The following CACNA2D1 variants were observed in gnomAD, a reference collection of about 807,000 sequenced individuals.
CACNA2D1 encodes the protein voltage-dependent calcium channel subunit alpha-2/delta-1.
Under a neutral mutation model 171.5 loss-of-function variants are expected in CACNA2D1, and 53 were observed. The observed-to-expected ratio is 0.31, with a 90% CI of 0.25 to 0.39. CACNA2D1 has a LOEUF of 0.39. Among genes scored for constraint, CACNA2D1 ranks in the 10% least tolerant of loss-of-function variants. The pLI, the probability that CACNA2D1 is intolerant of heterozygous loss-of-function variation, is 1.00. For missense variants in CACNA2D1, 903 were observed against 1,299.8 expected (o/e 0.69, Z 4.69); for synonymous variants, 442 against 443.1 (o/e 1.00, Z 0.03).
intron 4 of CACNA2D1, among the ~76,000 whole-genome samples, chr7:82,157,297 T>C (rs1563133136): frequency 6.6e-6 from 1 of 152,256 alleles, no homozygotes; most frequent in East Asian, 1.9e-4. Flanking sequence ...AATCCCATGA[T>C]CTAAATTTCT....
At chr7:82,333,400 G>T (rs984937041) in intron 3 of CACNA2D1, among the ~76,000 whole-genome samples, 1 of 152,072 alleles carries the variant, frequency 6.6e-6, no homozygotes, top group African/African-American at 2.4e-5. Context: ...AAGGAAGGAG[G>T]TTTAATTGAC....
At chr7:81,988,933 T>C (rs1368431632) in intron 21 of CACNA2D1, among the ~76,000 whole-genome samples, 3 of 152,200 alleles carry the variant, frequency 2.0e-5, no homozygotes, top group Non-Finnish European at 2.9e-5. Context: ...ATGTTAAATT[T>C]CAATAAGGGT....
intron 18 of CACNA2D1, among the ~76,000 whole-genome samples, chr7:81,997,935 T>C (rs949816011): frequency 1.3e-5 from 2 of 151,958 alleles, no homozygotes; most frequent in South Asian, 4.1e-4. Context: ...GTTCAATGAA[T>C]ACTATTTCCT....
At chr7:82,272,401 T>G (rs1233462899) in intron 3 of CACNA2D1, among the ~76,000 whole-genome samples, 1 of 152,240 alleles carries the variant, frequency 6.6e-6, no homozygotes, top group Non-Finnish European at 1.5e-5. Flanking sequence ...TCTACAAATT[T>G]GATACATCTT....
At chr7:82,244,564 G>A (rs1165655282) in intron 3 of CACNA2D1, among the ~76,000 whole-genome samples, 2 of 151,686 alleles carry the variant, frequency 1.3e-5, no homozygotes, top group African/African-American at 4.8e-5. Flanking sequence ...AAGTGGAAGT[G>A]AAATAATATC....
chr7:82,433,366 T>C (rs964779698), intron 1 of CACNA2D1, among the ~76,000 whole-genome samples: 1 of 152,158 alleles, frequency 6.6e-6, no homozygotes, highest in Non-Finnish European at 1.5e-5. Flanking sequence ...AGAAAAACTC[T>C]AGTCCATTCC....
At chr7:82,071,552 C>T (rs988296173) in intron 7 of CACNA2D1, among the ~76,000 whole-genome samples, 3 of 152,082 alleles carry the variant, frequency 2.0e-5, no homozygotes, top group Non-Finnish European at 2.9e-5. Flanking sequence ...GAGAGAACTG[C>T]GTGTGACCCA....
chr7:82,328,923 ATTC>A (rs1179729265), intron 3 of CACNA2D1, among the ~76,000 whole-genome samples: 2 of 152,144 alleles, frequency 1.3e-5, no homozygotes, highest in African/African-American at 4.8e-5. Context: ...TAAATTTTGT[ATTC>A]TTCTTTGAGT....
At chr7:82,243,381 C>T (rs951623712) in intron 3 of CACNA2D1, among the ~76,000 whole-genome samples, 1 of 152,004 alleles carries the variant, frequency 6.6e-6, no homozygotes, top group Non-Finnish European at 1.5e-5. Context: ...AGGGTTTATG[C>T]CTTATAAATA....
chr7:82,381,268 C>T (rs541155350), intron 1 of CACNA2D1, among the ~76,000 whole-genome samples: 3 of 146,598 alleles, frequency 2.0e-5, no homozygotes, highest in Admixed American at 6.9e-5. Context: ...GAGCTGAGAT[C>T]GCGCCATTGC....
chr7:81,950,416 A>G lies in CACNA2D1; in HGVS notation c.3252T>C (p.Ser1084=), dbSNP rs758341913. Residue 1084 remains serine (S), a synonymous_variant, in exon 39 of 39, where the codon TCT becomes TCC. Transcript: ENST00000356860. ...GTCATAACAGGCGGTGTGTGCTGCC[A>G]GATACCAGCCAAAGTAGTAGAAACT... The part of the protein sequence containing the change: ...GIQFLLLWLV[S]GSTHRLL The G allele has an allele frequency of 1.2e-6, 2 of 1,613,410 alleles. No individual in the cohort carries two copies. The highest frequency in any genetic ancestry group is 1.1e-5 in the South Asian group (1 of 91,070).
intron 4 of CACNA2D1, among the ~76,000 whole-genome samples, chr7:82,156,785 A>C (rs972883762): frequency 1.3e-5 from 2 of 152,048 alleles, no homozygotes; most frequent in Admixed American, 6.6e-5. Context: ...AATGTGGTTG[A>C]ACTTTTTCTC....
intron 10 of CACNA2D1, among the ~76,000 whole-genome samples, chr7:82,044,845 T>C (rs1804369509): frequency 6.6e-6 from 1 of 152,198 alleles, no homozygotes; most frequent in Non-Finnish European, 1.5e-5. Flanking sequence ...CTATAAGAGA[T>C]TATATGAAAA....
At chr7:82,421,694 A>G (rs187352714) in intron 1 of CACNA2D1, among the ~76,000 whole-genome samples, 1 of 152,208 alleles carries the variant, frequency 6.6e-6, no homozygotes, top group South Asian at 2.1e-4. Flanking sequence ...GAATGCTTAT[A>G]TCCCTTTCAA....
rs192152721 is a variant in CACNA2D1, at chr7:82,372,614, A to C, written c.96-22965T>G. 7.0e-4 allele frequency among the ~76,000 whole-genome samples: 91 copies of C among 130,130 alleles called. 1 individual carries two copies. The highest frequency in any genetic ancestry group is 1.5e-3 in the South Asian group (5 of 3,430). 85.4% of individuals were successfully genotyped at this position (130,130 alleles called of 152,430 possible). ...ATTTTGCAGTATATTGTTATGAAGC[A>C]GATTTTTATTTTCTAATCTTACCTA... On this transcript the variant is annotated intron_variant, in intron 1 of 38. Transcript: ENST00000356860.
intron 3 of CACNA2D1, among the ~76,000 whole-genome samples, chr7:82,213,053 C>A (rs1328789292): frequency 1.3e-5 from 2 of 151,758 alleles, no homozygotes; most frequent in African/African-American, 4.8e-5. Context: ...GGTGCCCACA[C>A]CACGCCCTGC....
intron 3 of CACNA2D1, among the ~76,000 whole-genome samples, chr7:82,292,266 T>C (rs928703142): frequency 3.3e-5 from 5 of 152,174 alleles, no homozygotes; most frequent in African/African-American, 7.2e-5. Flanking sequence ...GCCTCATGTT[T>C]TCCTTGGAGA....
chr7:82,272,310 A>C (rs1808739557), intron 3 of CACNA2D1, among the ~76,000 whole-genome samples: 1 of 152,296 alleles, frequency 6.6e-6, no homozygotes, highest in Non-Finnish European at 1.5e-5. Context: ...AATAGTAATA[A>C]TAGTTGTAGT....
chr7:82,050,557 CAG>C lies in CACNA2D1; in HGVS notation c.879+9869_879+9870del, dbSNP rs1302384204. 3 of 702,510 alleles carry C rather than the reference CAG, an allele frequency of 4.3e-6. No homozygotes were observed. The South Asian group carries it at 4.4e-5, about 10-fold the overall frequency. 43.5% of individuals were successfully genotyped at this position (702,510 alleles called of 1,614,324 possible). A position where few individuals can be genotyped will look rare whatever the true frequency, so the allele number is the denominator to read the frequency against. On this transcript the variant is annotated intron_variant, in intron 10 of 38. Transcript: ENST00000356860. ...GATGGCCCACACTCATCCTCCCCTC[CAG>C]AGAGACACAATAGTTTAATTACTCT...
Sources: gnomAD v4.1 joint callset for allele counts (sites outside exome capture counted in the v4.1 genomes callset) on GRCh38, gnomAD v4.1.1 for gene constraint, MANE v1.5 for transcripts, NCBI Gene and HGNC (gene_info 2026-07-23, HGNC 2026-07-21) for gene names.